Variants in TULP3 observed in about 807,000 individuals in gnomAD.
TULP3 encodes TUB like protein 3, also known as tubby-related protein 3.
TULP3 carries 38 observed loss-of-function variants against 50.7 expected under a neutral mutation model. The observed-to-expected ratio is 0.75, with a 90% confidence interval of 0.58 to 0.98. The LOEUF (loss-of-function observed/expected upper bound fraction) is 0.98. Ranked by LOEUF, TULP3 falls within the 50% of genes least tolerant of loss-of-function variation. The probability of loss-of-function intolerance (pLI) is 0.00; values close to 1 mark genes in which losing one functional copy is unlikely to be tolerated. For missense variants in TULP3, 550 were observed against 568.0 expected (o/e 0.97, Z 0.32); for synonymous variants, 183 against 196.6 (o/e 0.93, Z 0.58).
In TULP3 at chr12:2,938,251, T is replaced by G. The variant is rs376174177; in HGVS notation, c.1161T>G (p.Ser387=). 7 of 1,614,146 alleles carry G rather than the reference T, an allele frequency of 4.3e-6. No individual in the cohort carries two copies. The highest frequency in any genetic ancestry group is 5.1e-6 in the Non-Finnish European group (6 of 1,180,004). ...LNFRGRVTQA[S]VKNFQIVHKN... ...TCCGTGGCCGGGTCACTCAGGCGTC[T>G]GTGAAGAACTTCCAGATAGTCCACA... The change falls in exon 10 of 11, where the codon TCT becomes TCG. Residue 387 remains serine (S), a synonymous_variant. Coordinates refer to ENST00000448120, the MANE Select transcript of TULP3 (RefSeq NM_003324.5).
At chr12:2,906,156 A>G (rs566488327) in intron 1 of TULP3, among the ~76,000 whole-genome samples, 97 of 145,078 alleles carry the variant, frequency 6.7e-4, no homozygotes, top group African/African-American at 2.2e-3. Context: ...TCAGTCTCCT[A>G]AGTAGCTGGG....
Position 2,940,508 on chromosome 12 carries a change from T to TAA in TULP3, c.*1065_*1066insAA, listed in dbSNP as rs149808986. On this transcript the variant is annotated 3_prime_UTR_variant, in exon 11 of 11. Transcript: ENST00000448120. The stretch of plus-strand genomic sequence containing the variant: ...ACCCCTCCACGTATTATGTGACTCT[T>TAA]ACACCAGTTCACCCTTCCCAGAATG... The TAA allele has an allele frequency of 1.2e-4, 190 of 1,537,498 alleles. 1 individual carries two copies. The African/African-American group carries it at 2.3e-3, about 19-fold the overall frequency.
At chr12:2,930,396 A>G (rs1304205868) in intron 5 of TULP3, 51 bp downstream of exon 5, 3 of 1,155,108 alleles carry the variant, frequency 2.6e-6, no homozygotes, top group Non-Finnish European at 3.8e-6. Flanking sequence ...CTCTTTCTCA[A>G]ACATATCTTC....
intron 1 of TULP3, among the ~76,000 whole-genome samples, chr12:2,906,348 C>T (rs560965999): frequency 6.7e-5 from 10 of 149,436 alleles, no homozygotes; most frequent in South Asian, 2.2e-4. Context: ...TTTTTTGAGA[C>T]GGAGTCCCGC....
chr12:2,922,862 T>TTTTC (rs1479770646), intron 4 of TULP3, among the ~76,000 whole-genome samples: 1 of 150,922 alleles, frequency 6.6e-6, no homozygotes, highest in Non-Finnish European at 1.5e-5. Context: ...ATAATTTTTT[T>TTTTC]TTTTTTTTTG....
At chr12:2,932,721 G>T (rs2098198827) in intron 6 of TULP3, among the ~76,000 whole-genome samples, 1 of 151,914 alleles carries the variant, frequency 6.6e-6, no homozygotes, top group South Asian at 2.1e-4. Flanking sequence ...TTGCAAGGTT[G>T]CCCAGGCTGG....
At position 2,920,923 on chromosome 12, in the gene TULP3, G is replaced by A. The variant is rs1287261180; in HGVS notation, c.253+1G>A. 7.4e-6 allele frequency: 12 copies of A among 1,613,952 alleles called. No homozygotes were observed. The highest frequency in any genetic ancestry group is 1.7e-5 in the Admixed American group (1 of 59,970). On this transcript the variant is annotated splice_donor_variant, in intron 3 of 10. Coordinates refer to ENST00000448120, the MANE Select transcript of TULP3 (RefSeq NM_003324.5). LOFTEE classifies it high-confidence loss of function. ...CCCCACAGCAATGTCATCTTACATG[G>A]TGTGTATTTAGGCAGCATCACTTCC... is the stretch of plus-strand genomic sequence containing the variant.
chr12:2,919,316 A>C (rs138453778), intron 2 of TULP3, among the ~76,000 whole-genome samples: 201 of 152,282 alleles, frequency 1.3e-3, no homozygotes, highest in African/African-American at 4.7e-3. Flanking sequence ...ATAATCTCCA[A>C]ACAACTTAGT....
At chr12:2,913,388 C>T (rs1245747811) in intron 2 of TULP3, among the ~76,000 whole-genome samples, 1 of 151,446 alleles carries the variant, frequency 6.6e-6, no homozygotes, top group African/African-American at 2.4e-5. Context: ...GCTGAGACTA[C>T]AGGCATGCAC....
At chr12:2,920,698 A>G in intron 2 of TULP3, 65 bp from the exon 3 acceptor site, 1 of 1,565,652 alleles carries the variant, frequency 6.4e-7, no homozygotes, top group Non-Finnish European at 8.7e-7. Flanking sequence ...CAAACTGGGC[A>G]TGTTGGAAAT....
intron 4 of TULP3, among the ~76,000 whole-genome samples, chr12:2,924,580 T>C (rs962660231): frequency 2.6e-5 from 4 of 151,726 alleles, no homozygotes; most frequent in African/African-American, 7.3e-5. Flanking sequence ...ACTTGAGAGG[T>C]TGTGCTAGGA....
Position 2,892,034 on chromosome 12 carries a change from G to A in TULP3, c.41+1046G>A, listed in dbSNP as rs535067484. Reference sequence around the variant, plus strand: ...CCAGGAGTTCCAAACTCCTGTGTTGGGCCACTGAGCTCGCTAGCCTGGGCA... The same window carrying A: ...CCAGGAGTTCCAAACTCCTGTGTTGAGCCACTGAGCTCGCTAGCCTGGGCA... On this transcript the variant is annotated intron_variant, in intron 1 of 10. Transcript: ENST00000448120. Among the ~76,000 whole-genome samples the A allele has an allele frequency of 1.7e-3, 260 of 152,062 alleles. 1 individual carries two copies. Among genetic ancestry groups the A allele is most frequent in the Non-Finnish European group, 2.9e-3 (195 of 67,982 alleles).
At chr12:2,892,082 T>A (rs1195953180) in intron 1 of TULP3, among the ~76,000 whole-genome samples, 2 of 149,428 alleles carry the variant, frequency 1.3e-5, no homozygotes, top group Non-Finnish European at 3.0e-5. Context: ...CCTGTCACCT[T>A]AAAAAAAAAA....
At chr12:2,921,607 G>A (rs534291188) in intron 3 of TULP3, among the ~76,000 whole-genome samples, 289 of 152,240 alleles carry the variant, frequency 1.9e-3, no homozygotes, top group African/African-American at 6.6e-3. Context: ...GGGGAGGGGC[G>A]GAGGAAGAAT....
chr12:2,913,099 T>G lies in TULP3; in HGVS notation c.93+3519T>G, dbSNP rs184491802. Among the ~76,000 whole-genome samples, 336 of 151,760 alleles carry G rather than the reference T, an allele frequency of 2.2e-3. 1 individual carries two copies. Among genetic ancestry groups the G allele is most frequent in the Non-Finnish European group, 4.0e-3 (274 of 67,902 alleles). On this transcript the variant is annotated intron_variant, in intron 2 of 10. Transcript: ENST00000448120. ...AGTTTTTCCACATTCTTACCAACACTTGTTATTGTCTGTCTGTGATTTAGA... is the reference window on the plus strand; with the variant it reads ...AGTTTTTCCACATTCTTACCAACACGTGTTATTGTCTGTCTGTGATTTAGA...
In TULP3 at chr12:2,931,129, T is replaced by C. The variant is rs1312716738; in HGVS notation, c.585T>C (p.Pro195=). The part of the protein sequence containing the change: ...IDDLEDFVYS[P]APQGVTVRCR... ...ACCTGGAGGACTTTGTGTATAGTCC[T>C]GCCCCTCAAGGTGTCACAGTAAGAT... is the stretch of plus-strand genomic sequence containing the variant. Residue 195 remains proline, a synonymous_variant, in exon 6 of 11, where the codon CCT becomes CCC. Coordinates refer to ENST00000448120, the MANE Select transcript of TULP3 (RefSeq NM_003324.5). The C allele has an allele frequency of 1.2e-6, 2 of 1,614,060 alleles. No homozygotes were observed. The highest frequency in any genetic ancestry group is 1.7e-6 in the Non-Finnish European group (2 of 1,180,044).
At chr12:2,919,792 T>A (rs1351840078) in intron 2 of TULP3, among the ~76,000 whole-genome samples, 1 of 152,050 alleles carries the variant, frequency 6.6e-6, no homozygotes, top group Non-Finnish European at 1.5e-5. Flanking sequence ...GCTTGTTTCC[T>A]GACTTTTCTT....
chr12:2,911,569 G>GTT (rs1448106837), intron 2 of TULP3, among the ~76,000 whole-genome samples: 1 of 146,602 alleles, frequency 6.8e-6, no homozygotes, highest in Non-Finnish European at 1.5e-5. Context: ...GTTTCACTGT[G>GTT]TTAGCCAGGA....
intron 7 of TULP3, among the ~76,000 whole-genome samples, 174 bp from the exon 8 acceptor site, chr12:2,934,273 A>G (rs1289457173): frequency 6.6e-6 from 1 of 152,200 alleles, no homozygotes; most frequent in East Asian, 1.9e-4. Flanking sequence ...ATAAAAAGTT[A>G]AAAGAAAATC....
Sources: allele counts gnomAD v4.1 joint callset (sites outside exome capture counted in the v4.1 genomes callset), GRCh38; gene constraint gnomAD v4.1.1; transcripts MANE v1.5; gene names NCBI Gene and HGNC (gene_info 2026-07-23, HGNC 2026-07-21).